SEPTIN9: variants seen among roughly 807,000 people sequenced by gnomAD.
The protein encoded by SEPTIN9 is septin 9.
Under a neutral mutation model 56.6 loss-of-function variants are expected in SEPTIN9, and 13 were observed. The observed-to-expected ratio is 0.23, with a 90% confidence interval of 0.15 to 0.37. The LOEUF is 0.37. SEPTIN9 is among the 10% of genes least tolerant of loss of function. The pLI is 1.00. For missense variants in SEPTIN9, 650 were observed against 823.1 expected, an observed-to-expected ratio of 0.79 and a Z score of 2.57; for synonymous variants, 332 against 334.1, an observed-to-expected ratio of 0.99 and a Z score of 0.07.
Position 77,326,314 on chromosome 17 carries a change from A to G in SEPTIN9, c.76+19117A>G, listed in dbSNP as rs1265136789. Among the ~76,000 whole-genome samples, 1 of 152,234 alleles carries G rather than the reference A, an allele frequency of 6.6e-6. No individual in the cohort carries two copies. Among genetic ancestry groups the G allele is most frequent in the Non-Finnish European group, 1.5e-5 (1 of 68,034 alleles). ...GTCCTTGCCCTCATGGGACTGCACA[A>G]GTGCAAGACCACATCAGTAAACGTG... On this transcript the variant is annotated intron_variant, in intron 2 of 11. Transcript: ENST00000427177. The surrounding 1 kb of genome is among the most constrained non-coding windows in gnomAD (Gnocchi z 5.1).
chr17:77,387,900 C>T (rs1373904434), intron 2 of SEPTIN9, among the ~76,000 whole-genome samples: 6 of 149,702 alleles, frequency 4.0e-5, no homozygotes, highest in East Asian at 2.0e-4. Flanking sequence ...TCCCCCTTCC[C>T]GCCCCCCTTC....
At chr17:77,438,942 A>G (rs192812728) in intron 3 of SEPTIN9, among the ~76,000 whole-genome samples, 4 of 152,342 alleles carry the variant, frequency 2.6e-5, no homozygotes, top group Non-Finnish European at 4.4e-5. Flanking sequence ...TGGGAGAAGA[A>G]AACCCCGTAG....
chr17:77,320,421 G>C, intron 2 of SEPTIN9: 1 of 1,323,634 alleles, frequency 7.6e-7, no homozygotes, highest in Non-Finnish European at 1.1e-6. Context: ...ATGCCTGGGG[G>C]AATAAGCATG....
intron 10 of SEPTIN9, among the ~76,000 whole-genome samples, chr17:77,493,465 T>C (rs1305365621): frequency 6.6e-6 from 1 of 152,184 alleles, no homozygotes; most frequent in Non-Finnish European, 1.5e-5. Flanking sequence ...CTCGGCCCCT[T>C]ACCCTGCTGA....
intron 3 of SEPTIN9, among the ~76,000 whole-genome samples, chr17:77,403,128 G>A (rs2035958688): frequency 6.6e-6 from 1 of 152,102 alleles, no homozygotes; most frequent in African/African-American, 2.4e-5. Context: ...GTCACATTCT[G>A]GTGGCTCCTG....
chr17:77,481,902 G>A, intron 3 of SEPTIN9: 1 of 575,594 alleles, frequency 1.7e-6, no homozygotes, highest in Non-Finnish European at 3.1e-6. Context: ...GGCCTTGGGA[G>A]TCTGGGGATG....
chr17:77,387,891 C>A (rs376191946), intron 2 of SEPTIN9, among the ~76,000 whole-genome samples: 1 of 148,316 alleles, frequency 6.7e-6, no homozygotes, highest in Non-Finnish European at 1.5e-5. Context: ...ACCCCCACCT[C>A]CCCCTTCCCG....
Position 77,319,765 on chromosome 17 carries a change from A to G in SEPTIN9, c.76+12568A>G. On this transcript the variant is annotated intron_variant, in intron 2 of 11. Coordinates refer to ENST00000427177, the MANE Select transcript of SEPTIN9 (RefSeq NM_001113491.2). The surrounding 1 kb of genome is among the most constrained non-coding windows in gnomAD (Gnocchi z 5.3). Reference sequence around the variant, plus strand: ...GAAATCGTAGCATCGCGGGACAGGGAAAATGAAAGACTTTGGAAGTCGTCA... The same window carrying G: ...GAAATCGTAGCATCGCGGGACAGGGGAAATGAAAGACTTTGGAAGTCGTCA... 5 of 1,072,102 alleles carry G rather than the reference A, an allele frequency of 4.7e-6. No homozygotes were observed. Among genetic ancestry groups the G allele is most frequent in the Non-Finnish European group, 5.7e-6 (5 of 882,716 alleles). The allele number at this position is 1,072,102 out of a possible 1,614,324, so 66.4% of individuals were successfully genotyped here.
Position 77,475,839 on chromosome 17 carries a change from C to G in SEPTIN9, c.722-6305C>G. On this transcript the variant is annotated intron_variant, in intron 3 of 11. Transcript: ENST00000427177. The surrounding 1 kb of genome is among the most constrained non-coding windows in gnomAD (Gnocchi z 4.6). ...GTGGCCTGGTCAGTGGCTTCACAGG[C>G]CTCCGTGGGCAGGAGGAGGATGACC... 1.2e-6 allele frequency: 2 copies of G among 1,613,540 alleles called. No individual in the cohort carries two copies. The highest frequency in any genetic ancestry group is 1.7e-6 in the Non-Finnish European group (2 of 1,179,878).
chr17:77,423,166 G>T (rs2036764873), intron 3 of SEPTIN9, among the ~76,000 whole-genome samples: 1 of 152,060 alleles, frequency 6.6e-6, no homozygotes, highest in African/African-American at 2.4e-5. Flanking sequence ...CTCCTGAGTA[G>T]CTGGGACTAC....
At chr17:77,478,507 G>A (rs1568103869) in intron 3 of SEPTIN9, among the ~76,000 whole-genome samples, 1 of 152,186 alleles carries the variant, frequency 6.6e-6, no homozygotes, top group Non-Finnish European at 1.5e-5. Context: ...AATGAATGGA[G>A]AAATCAAAGG....
At chr17:77,320,013 G>A (rs192486604) in intron 2 of SEPTIN9, 8 of 1,313,764 alleles carry the variant, frequency 6.1e-6, no homozygotes, top group Middle Eastern at 2.9e-4. Flanking sequence ...ACTCCTCGGG[G>A]CCCACTTCGG....
chr17:77,312,022 C>T (rs183751731), intron 2 of SEPTIN9, among the ~76,000 whole-genome samples: 1 of 152,176 alleles, frequency 6.6e-6, no homozygotes, highest in African/African-American at 2.4e-5. Context: ...CCCCAGCACC[C>T]CCAGGTCTCA....
chr17:77,334,856 T>C (rs1033865007), intron 2 of SEPTIN9, among the ~76,000 whole-genome samples: 3 of 152,226 alleles, frequency 2.0e-5, no homozygotes, highest in African/African-American at 7.2e-5. Context: ...TATACTCATA[T>C]CCAGTTCTAG....
rs1300314896 is a variant in SEPTIN9 at position 77,313,187 on chromosome 17, G to C, written c.76+5990G>C. 6.6e-6 allele frequency among the ~76,000 whole-genome samples: 1 copy of C among 152,254 alleles called. No homozygotes were observed. The highest frequency in any genetic ancestry group is 1.5e-5 in the Non-Finnish European group (1 of 68,044). On this transcript the variant is annotated intron_variant, in intron 2 of 11. Transcript: ENST00000427177. This position sits in a 1 kb window ranked among gnomAD's most constrained non-coding sequence, Gnocchi z 4.5. ...AGGGCCCTTGGCCTCTGCACCCCCA[G>C]ACCTCCCTCGCTCTGCAGGGGCAGT...
At chr17:77,334,734 A>G (rs1461194337) in intron 2 of SEPTIN9, among the ~76,000 whole-genome samples, 2 of 151,928 alleles carry the variant, frequency 1.3e-5, no homozygotes, top group East Asian at 3.8e-4. Flanking sequence ...TTATTTTTTA[A>G]TTTTTTAAAT....
At chr17:77,376,188 T>A in intron 2 of SEPTIN9, 1 of 986,468 alleles carries the variant, frequency 1.0e-6, no homozygotes, top group Non-Finnish European at 1.2e-6. Flanking sequence ...GAGGCTGGAA[T>A]GAGCTGGCTG....
At chr17:77,422,669 C>T (rs1180332101) in intron 3 of SEPTIN9, among the ~76,000 whole-genome samples, 2 of 136,318 alleles carry the variant, frequency 1.5e-5, no homozygotes, top group Non-Finnish European at 3.0e-5. Flanking sequence ...GGGGTCCATC[C>T]CCATGAAACC....
intron 3 of SEPTIN9, among the ~76,000 whole-genome samples, chr17:77,455,588 G>A (rs1459595136): frequency 1.3e-5 from 2 of 152,352 alleles, no homozygotes; most frequent in East Asian, 3.9e-4. Flanking sequence ...GTACGCAGAC[G>A]TGGGTGGCAC....
Sources: allele counts gnomAD v4.1 joint callset (sites outside exome capture counted in the v4.1 genomes callset), GRCh38; gene constraint gnomAD v4.1.1; non-coding constraint Gnocchi (gnomAD v3.1); transcripts MANE v1.5; gene names NCBI Gene and HGNC (gene_info 2026-07-23, HGNC 2026-07-21).